Variants in COX11 observed in about 807,000 individuals in gnomAD.
COX11 encodes the protein cytochrome c oxidase assembly protein COX11, mitochondrial.
A neutral mutation model predicts 29.4 loss-of-function variants in COX11; 18 were observed. The observed-to-expected ratio is 0.61, with a 90% CI of 0.42 to 0.91. The LOEUF (loss-of-function observed/expected upper bound fraction) is 0.91, where lower values mean the gene tolerates loss of function less well. Among genes scored for constraint, COX11 ranks in the 40% least tolerant of loss-of-function variants. COX11 has a pLI of 0.00. For missense variants in COX11, 312 were observed against 346.0 expected (o/e 0.90, Z 0.78); for synonymous variants, 131 against 124.0 (o/e 1.06, Z -0.38).
At chr17:54,968,054 T>C (rs1399916447) in intron 1 of COX11, among the ~76,000 whole-genome samples, 1 of 139,762 alleles carries the variant, frequency 7.2e-6, no homozygotes. Context: ...CTCTGCAGCA[T>C]GGTATAAGCA....
chr17:54,968,170 A>G, intron 1 of COX11, 111 bp downstream of exon 1: 1 of 1,488,086 alleles, frequency 6.7e-7, no homozygotes, highest in East Asian at 2.3e-5. Flanking sequence ...GGTAGATAAT[A>G]TCGGAAACCT....
At chr17:54,965,033 G>A (rs550008607) in intron 1 of COX11, among the ~76,000 whole-genome samples, 181 bp from the exon 2 acceptor site, 3 of 152,170 alleles carry the variant, frequency 2.0e-5, no homozygotes, top group Non-Finnish European at 4.4e-5. Context: ...TCATGAGCCT[G>A]TATTTGTTAA....
In COX11 at chr17:54,962,797, G is replaced by GT. The variant is rs770990177; in HGVS notation, c.766dup (p.Thr256AsnfsTer8). 1.2e-6 allele frequency: 2 copies of GT among 1,613,066 alleles called. No individual in the cohort carries two copies. Among genetic ancestry groups the GT allele is most frequent in the Non-Finnish European group, 8.5e-7 (1 of 1,179,306 alleles). On this transcript the variant is annotated frameshift_variant, in exon 4 of 4. Coordinates refer to ENST00000299335, the MANE Select transcript of COX11 (RefSeq NM_004375.5). LOFTEE classifies it high-confidence loss of function. ...TGCTTCAAAAAAAGTGTAAGAAAGA[G>GT]TGATAAGATCAACTTTAATCATTCT...
At chr17:54,965,167 T>G (rs764250671) in intron 1 of COX11, among the ~76,000 whole-genome samples, 9 of 152,244 alleles carry the variant, frequency 5.9e-5, no homozygotes, top group Non-Finnish European at 1.2e-4. Flanking sequence ...ATTTCCAGCT[T>G]AGCCATTTAT....
At chr17:54,963,546 AT>A (rs1300295514) in intron 2 of COX11, 115 bp from the exon 3 acceptor site, 90 of 1,012,096 alleles carry the variant, frequency 8.9e-5, no homozygotes, top group Non-Finnish European at 1.3e-4. Context: ...ACCTAATCTA[AT>A]GTAGGGTTCA....
At chr17:54,967,685 C>G (rs540294593) in intron 1 of COX11, among the ~76,000 whole-genome samples, 2 of 146,818 alleles carry the variant, frequency 1.4e-5, no homozygotes, top group East Asian at 4.3e-4. Context: ...CTGATGCTGC[C>G]GGTCCTGGGC....
downstream of COX11, chr17:54,956,816 G>T (rs2049530894): frequency 6.6e-6 from 1 of 152,042 alleles, no homozygotes; most frequent in African/African-American, 2.4e-5. Context: ...CTCCAAAGCA[G>T]GAAAGTGACA....
exon 1 of COX11, chr17:54,953,748 T>C (rs1375243806): frequency 1.3e-5 from 2 of 152,190 alleles, no homozygotes; most frequent in Non-Finnish European, 2.9e-5. Flanking sequence ...GCCACATCTC[T>C]TTACTATAGA....
At chr17:54,953,326 G>C (rs372085327) in exon 1 of COX11, 3 of 152,324 alleles carry the variant, frequency 2.0e-5, no homozygotes, top group Admixed American at 1.3e-4. Flanking sequence ...CCATGATCAC[G>C]GTGCTGCACT....
chr17:54,955,644 T>C (rs1362859962), downstream of COX11, among the ~76,000 whole-genome samples: 2 of 152,156 alleles, frequency 1.3e-5, no homozygotes, highest in Non-Finnish European at 2.9e-5. Flanking sequence ...ATCCTTGTCT[T>C]TTTGTTGGGG....
In COX11 at chr17:54,961,873, T is replaced by TA; in HGVS notation, c.*859dup. ...CTTTTTTTCTCTTTTTACTGCAACT[T>TA]AATATTTCTATTTAGAACACAGAAA... On this transcript the variant is annotated 3_prime_UTR_variant, in exon 4 of 4. Transcript: ENST00000299335. The TA allele has an allele frequency of 1.1e-6, 1 of 930,614 alleles. No homozygotes were observed. The highest frequency in any genetic ancestry group is 5.5e-4 in the Middle Eastern group (1 of 1,814). 57.6% of individuals were successfully genotyped at this position (930,614 alleles called of 1,614,324 possible).
intron 1 of COX11, among the ~76,000 whole-genome samples, chr17:54,966,585 T>A (rs1330098646): frequency 6.6e-6 from 1 of 152,186 alleles, no homozygotes; most frequent in African/African-American, 2.4e-5. Flanking sequence ...CCCACCTCCA[T>A]GTTGTGACAA....
At chr17:54,953,529 C>CT (rs1417621327) in exon 1 of COX11, 4 of 152,296 alleles carry the variant, frequency 2.6e-5, no homozygotes, top group African/African-American at 9.6e-5. Context: ...TGGGCTTGTC[C>CT]TCCTCCTTCC....
Position 54,962,839 on chromosome 17 carries a change from T to G in COX11, c.725A>C (p.Glu242Ala). ...AATCATTCTTGGATCTTCAGCAAAT[T>G]CAGGATCAATGTAGAAAAACACTGG... ...DMPVFFYIDP[E>A]FAEDPRMIKV... The change falls in exon 4 of 4, where the codon GAA becomes GCA. Residue 242 changes from glutamate (E) to alanine (A), a missense_variant. This residue lies in a region of COX11 where 182 missense variants were observed against 240.0 expected (regional missense o/e 0.76). Coordinates refer to ENST00000299335, the MANE Select transcript of COX11 (RefSeq NM_004375.5). 6.2e-7 allele frequency: 1 copy of G among 1,613,156 alleles called. No individual in the cohort carries two copies. The highest frequency in any genetic ancestry group is 8.5e-7 in the Non-Finnish European group (1 of 1,179,354).
In COX11 at chr17:54,964,822, C is replaced by G. The variant is rs756993938; in HGVS notation, c.397G>C (p.Gly133Arg). Residue 133 changes from glycine to arginine, a missense_variant, in exon 2 of 4, where the codon GGT becomes CGT. Physicochemically the swap from Gly to Arg is moderately radical, Grantham distance 125. Coordinates refer to ENST00000299335, the MANE Select transcript of COX11 (RefSeq NM_004375.5). ...TTTTCAATCTTGTCTGAGGCATGAC[C>G]TGCAACTGCTGATCCTCCAAGTCCA... ...TTGLGGSAVA[G>R]HASDKIENMV... 8.1e-6 allele frequency: 13 copies of G among 1,613,004 alleles called. No individual in the cohort carries two copies. Among genetic ancestry groups the G allele is most frequent in the Middle Eastern group, 1.9e-4 (1 of 5,360 alleles).
In COX11 at chr17:54,964,747, C is replaced by T. The variant is rs1357259956; in HGVS notation, c.472G>A (p.Val158Met). The T allele has an allele frequency of 1.9e-6, 3 of 1,613,968 alleles. No homozygotes were observed. The Admixed American group carries it at 5.0e-5, about 27-fold the overall frequency. Reference protein sequence around the residue: ...RIIKISFNADVHASLQWNFRP... With the variant: ...RIIKISFNADMHASLQWNFRP... The stretch of plus-strand genomic sequence containing the variant: ...AAGTTCCACTGGAGACTTGCATGCA[C>T]ATCTGCATTAAAGCTAATTTTAATG... Residue 158 changes from valine (V) to methionine (M), a missense_variant, in exon 2 of 4, where the codon GTG (valine) becomes ATG (methionine). Physicochemically the swap from Val to Met is conservative, Grantham distance 21 (BLOSUM62 1). This residue lies in a region of COX11 where 182 missense variants were observed against 240.0 expected (regional missense o/e 0.76). Transcript: ENST00000299335.
rs2077127542 is a variant in COX11, at chr17:54,961,638, GTAT to G, written c.*1092_*1094del. 9.1e-7 allele frequency: 1 copy of G among 1,101,564 alleles called. No homozygotes were observed. The highest frequency in any genetic ancestry group is 1.1e-6 in the Non-Finnish European group (1 of 903,678). The allele number at this position is 1,101,564 out of a possible 1,614,324, so 68.2% of individuals were successfully genotyped here. A position where few individuals can be genotyped will look rare whatever the true frequency, so the allele number is the denominator to read the frequency against. On this transcript the variant is annotated 3_prime_UTR_variant, in exon 4 of 4. Transcript: ENST00000299335. ...AAGCATAAAATGTGAGAAACTGAAT[GTAT>G]TATTCAGGAAGAATACTGAGTGCCT...
chr17:54,965,200 G>A (rs751547998), intron 1 of COX11, among the ~76,000 whole-genome samples: 1 of 152,056 alleles, frequency 6.6e-6, no homozygotes, highest in Non-Finnish European at 1.5e-5. Context: ...TCCCTTTATT[G>A]CTAGTATTTC....
chr17:54,963,351 G>A lies in COX11; in HGVS notation c.603C>T (p.Tyr201=). 1 of 1,611,958 alleles carries A rather than the reference G, an allele frequency of 6.2e-7. No individual in the cohort carries two copies. The highest frequency in any genetic ancestry group is 8.5e-7 in the Non-Finnish European group (1 of 1,178,790). Residue 201 remains tyrosine, a synonymous_variant, in exon 3 of 4, where the codon TAC becomes TAT. Coordinates refer to ENST00000299335, the MANE Select transcript of COX11 (RefSeq NM_004375.5). ...TDKPVIGIST[Y]NIVPFEAGQY... ...GTCCAGCTTCAAATGGAACAATATT[G>A]TATGTAGAAATTCCAATTACTGGTT...
Sources: gnomAD v4.1 joint callset for allele counts (sites outside exome capture counted in the v4.1 genomes callset) on GRCh38, gnomAD v4.1.1 for gene constraint, gnomAD v4.1.1 regional missense constraint, MANE v1.5 for transcripts, NCBI Gene and HGNC (gene_info 2026-07-23, HGNC 2026-07-21) for gene names.